Variants in C12orf56 observed in about 807,000 individuals in gnomAD.
C12orf56 encodes uncharacterized protein C12orf56.
Under a neutral mutation model 69.9 loss-of-function variants are expected in C12orf56, and 71 were observed. The observed-to-expected ratio is 1.02, with a 90% CI of 0.84 to 1.24. C12orf56 has a LOEUF of 1.24. Among genes scored for constraint, C12orf56 ranks in the 50% most tolerant of loss-of-function variants. The pLI, the probability that C12orf56 is intolerant of heterozygous loss-of-function variation, is 0.00. For missense variants in C12orf56, 732 were observed against 738.5 expected, an observed-to-expected ratio of 0.99 and a Z score of 0.10; for synonymous variants, 276 against 274.1, an observed-to-expected ratio of 1.01 and a Z score of -0.07.
chr12:64,356,743 G>A (rs1443558053), intron 1 of C12orf56, among the ~76,000 whole-genome samples: 1 of 152,162 alleles, frequency 6.6e-6, no homozygotes, highest in African/African-American at 2.4e-5. Flanking sequence ...TAGAGGCAAG[G>A]GGGTGAAGAG....
intron 2 of C12orf56, among the ~76,000 whole-genome samples, chr12:64,336,301 A>G (rs1225419999): frequency 6.6e-6 from 1 of 152,226 alleles, no homozygotes; most frequent in Non-Finnish European, 1.5e-5. Flanking sequence ...ATGAAAGTAG[A>G]GAACAGGTGG....
intron 2 of C12orf56, among the ~76,000 whole-genome samples, chr12:64,336,165 T>C (rs2038993874): frequency 6.6e-6 from 1 of 152,172 alleles, no homozygotes; most frequent in Admixed American, 6.5e-5. Flanking sequence ...CATACAGCAT[T>C]ACTGTTGGCA....
chr12:64,267,542 A>G (rs2037931880), intron 12 of C12orf56: 1 of 444,912 alleles, frequency 2.2e-6, no homozygotes, highest in Admixed American at 4.2e-5. Context: ...TCCTCACCAC[A>G]GTATGAGCAG....
chr12:64,287,008 G>A (rs2038211642), intron 6 of C12orf56, among the ~76,000 whole-genome samples: 1 of 152,036 alleles, frequency 6.6e-6, no homozygotes, highest in Non-Finnish European at 1.5e-5. Context: ...AGGCCGAGGT[G>A]GGCAGATCAC....
chr12:64,275,800 G>A (rs1302952586), intron 9 of C12orf56, among the ~76,000 whole-genome samples: 1 of 151,786 alleles, frequency 6.6e-6, no homozygotes, highest in African/African-American at 2.4e-5. Flanking sequence ...TAGAGACAGG[G>A]TCTCGCTTGT....
At chr12:64,319,947 G>A (rs1452519123) in intron 3 of C12orf56, among the ~76,000 whole-genome samples, 1 of 152,028 alleles carries the variant, frequency 6.6e-6, no homozygotes, top group African/African-American at 2.4e-5. Flanking sequence ...CTCGAGCTGA[G>A]CTTTCGCTCC....
In C12orf56 at chr12:64,303,700, A is replaced by G. The variant is rs372952107; in HGVS notation, c.1048T>C (p.Ser350Pro). 3.5e-5 allele frequency: 56 copies of G among 1,579,244 alleles called. No individual in the cohort carries two copies. Among genetic ancestry groups the G allele is most frequent in the Non-Finnish European group, 4.6e-5 (53 of 1,162,502 alleles). Residue 350 changes from serine (S) to proline (P), a missense_variant, in exon 6 of 13, where the codon TCT (serine) becomes CCT (proline). Coordinates refer to ENST00000543942, the MANE Select transcript of C12orf56 (RefSeq NM_001170633.2). ...GCTACTTTAAGTTCCATAAGTAAAG[A>G]AAGTATCCTCCTCAAAGAATTGTCT... ...LKDNSLRRIL[S>P]LLMELKVAAQ... is the part of the protein sequence containing the mutation.
At chr12:64,372,748 C>T (rs2039589789) in intron 1 of C12orf56, among the ~76,000 whole-genome samples, 1 of 152,154 alleles carries the variant, frequency 6.6e-6, no homozygotes. Flanking sequence ...CTCCTGACCT[C>T]AGGTGATCCG....
intron 3 of C12orf56, among the ~76,000 whole-genome samples, chr12:64,322,846 T>A (rs1042935622): frequency 9.5e-4 from 144 of 152,300 alleles, no homozygotes; most frequent in African/African-American, 3.3e-3. Flanking sequence ...GCTAAAAAAC[T>A]ATGGGACAGT....
intron 5 of C12orf56, among the ~76,000 whole-genome samples, chr12:64,304,756 T>C (rs1456413244): frequency 2.0e-5 from 3 of 152,196 alleles, no homozygotes; most frequent in Non-Finnish European, 4.4e-5. Context: ...AGACTCGTTC[T>C]TGGACTGAGC....
At chr12:64,344,750 A>G (rs2039118316) in intron 2 of C12orf56, among the ~76,000 whole-genome samples, 1 of 151,906 alleles carries the variant, frequency 6.6e-6, no homozygotes, top group Non-Finnish European at 1.5e-5. Flanking sequence ...TATCTTCTGG[A>G]CCCTCCCAGC....
At chr12:64,319,944 T>C (rs1012135112) in intron 3 of C12orf56, among the ~76,000 whole-genome samples, 1 of 152,100 alleles carries the variant, frequency 6.6e-6, no homozygotes, top group African/African-American at 2.4e-5. Flanking sequence ...CGGCTCGAGC[T>C]GAGCTTTCGC....
At chr12:64,305,038 C>T (rs1379191372) in intron 5 of C12orf56, among the ~76,000 whole-genome samples, 1 of 152,116 alleles carries the variant, frequency 6.6e-6, no homozygotes, top group Non-Finnish European at 1.5e-5. Context: ...TTGGTACTTG[C>T]CTACTACCTC....
intron 2 of C12orf56, among the ~76,000 whole-genome samples, chr12:64,343,934 G>T (rs11504176): frequency 0.44 from 66,062 of 151,642 alleles, 14,681 homozygotes; most frequent in Admixed American, 0.56. Flanking sequence ...CAATTATGCT[G>T]TCTGGCACTG....
At chr12:64,336,168 T>C (rs1345069147) in intron 2 of C12orf56, among the ~76,000 whole-genome samples, 2 of 152,192 alleles carry the variant, frequency 1.3e-5, no homozygotes, top group African/African-American at 2.4e-5. Flanking sequence ...ACAGCATTAC[T>C]GTTGGCATAA....
chr12:64,283,321 G>C (rs1352043870), intron 8 of C12orf56, among the ~76,000 whole-genome samples: 2 of 152,142 alleles, frequency 1.3e-5, no homozygotes, highest in Non-Finnish European at 2.9e-5. Flanking sequence ...CCCAGCCTGG[G>C]TGACAAGAGC....
intron 1 of C12orf56, among the ~76,000 whole-genome samples, chr12:64,385,111 C>T (rs1250274708): frequency 6.6e-6 from 1 of 151,382 alleles, no homozygotes; most frequent in African/African-American, 2.4e-5. Context: ...TTTTGATGCA[C>T]CCAAGAGCAG....
rs1266417178 is a variant in C12orf56, at chr12:64,308,842, C to CA, written c.968+3836dup. On this transcript the variant is annotated intron_variant, in intron 5 of 12. Coordinates refer to ENST00000543942, the MANE Select transcript of C12orf56 (RefSeq NM_001170633.2). ...TGGGCAACAGAGCAAGACTCCATCT[C>CA]AAAAAAAAAAGAAAGAAAGAAAGAA... is the stretch of plus-strand genomic sequence containing the variant. Among the ~76,000 whole-genome samples, 20 of 83,078 alleles carry CA rather than the reference C, an allele frequency of 2.4e-4. 1 individual carries two copies. The highest frequency in any genetic ancestry group is 1.4e-3 in the East Asian group (4 of 2,778). 54.5% of individuals were successfully genotyped at this position (83,078 alleles called of 152,430 possible).
intron 4 of C12orf56, 45 bp from the exon 5 acceptor site, chr12:64,312,797 AAG>A (rs1389273137): frequency 7.4e-7 from 1 of 1,343,282 alleles, no homozygotes; most frequent in Non-Finnish European, 1.0e-6. Flanking sequence ...TTATTTACTG[AAG>A]ATCAATTCCC....
Sources: allele counts gnomAD v4.1 joint callset (sites outside exome capture counted in the v4.1 genomes callset), GRCh38; gene constraint gnomAD v4.1.1; transcripts MANE v1.5; gene names NCBI Gene and HGNC (gene_info 2026-07-23, HGNC 2026-07-21).